Variants in GLIS3 observed in about 807,000 individuals in gnomAD.
GLIS3 encodes GLIS family zinc finger 3, also known as zinc finger protein GLIS3.
In GLIS3, 53 loss-of-function variants were observed where a neutral mutation model predicts 78.6. The observed-to-expected ratio is 0.67, with a 90% CI of 0.54 to 0.85. The LOEUF is 0.85. Among genes scored for constraint, GLIS3 ranks in the 40% least tolerant of loss-of-function variants. GLIS3 has a pLI of 0.00. For synonymous variants in GLIS3, 684 were observed against 509.9 expected (o/e 1.34, Z -4.60); for missense variants, 1,703 against 1,231.1 (o/e 1.38, Z -5.74).
chr9:4,178,471 T>A (rs948765580), intron 2 of GLIS3, among the ~76,000 whole-genome samples: 3 of 152,120 alleles, frequency 2.0e-5, no homozygotes, highest in Middle Eastern at 3.2e-3. Flanking sequence ...ACTAGAAAAA[T>A]CTGCAGCTAG....
chr9:3,917,314 A>G (rs1409759971), intron 6 of GLIS3, among the ~76,000 whole-genome samples: 1 of 152,218 alleles, frequency 6.6e-6, no homozygotes, highest in Non-Finnish European at 1.5e-5. Flanking sequence ...TCAGAGCTGA[A>G]GATGTTTGCA....
At chr9:3,859,878 C>G (rs370009528) in intron 8 of GLIS3, among the ~76,000 whole-genome samples, 1 of 152,178 alleles carries the variant, frequency 6.6e-6, no homozygotes, top group African/African-American at 2.4e-5. Flanking sequence ...GAGTCAAACA[C>G]TTCCACTCAT....
At chr9:4,121,620 GACACACACACACACACACAC>G (rs767610111) in intron 3 of GLIS3, among the ~76,000 whole-genome samples, 2 of 142,216 alleles carry the variant, frequency 1.4e-5, no homozygotes, top group African/African-American at 2.6e-5. Context: ...TTCTCCCAGT[GACACACACACACACACACAC>G]ACACACACAC....
chr9:3,956,237 G>T (rs909890306), intron 4 of GLIS3, among the ~76,000 whole-genome samples: 1 of 151,914 alleles, frequency 6.6e-6, no homozygotes, highest in African/African-American at 2.4e-5. Context: ...CCAAGACACA[G>T]CAATGCTCTC....
intron 2 of GLIS3, among the ~76,000 whole-genome samples, chr9:4,346,384 C>T (rs1817897109): frequency 1.9e-5 from 1 of 51,372 alleles, no homozygotes; most frequent in Admixed American, 2.8e-4. Context: ...GGTGTTCTAG[C>T]CAGTGACTGC....
At chr9:3,880,962 T>C (rs1821689099) in intron 7 of GLIS3, among the ~76,000 whole-genome samples, 1 of 152,190 alleles carries the variant, frequency 6.6e-6, no homozygotes, top group Non-Finnish European at 1.5e-5. Context: ...GGCCTGAAAA[T>C]GCTTACCAGT....
chr9:3,838,086 A>C (rs1217664419), intron 9 of GLIS3, among the ~76,000 whole-genome samples: 2 of 152,098 alleles, frequency 1.3e-5, no homozygotes, highest in African/African-American at 4.8e-5. Flanking sequence ...AGTCTATTAA[A>C]TGGGTGGGCA....
intron 4 of GLIS3, among the ~76,000 whole-genome samples, chr9:3,997,068 C>T (rs2129864849): frequency 1.3e-5 from 2 of 152,286 alleles, no homozygotes; most frequent in East Asian, 3.9e-4. Flanking sequence ...TGAGTTGCGG[C>T]CGGGCGCGGT....
chr9:3,985,413 G>C (rs753848065), intron 4 of GLIS3, among the ~76,000 whole-genome samples: 13 of 152,332 alleles, frequency 8.5e-5, no homozygotes, highest in Non-Finnish European at 1.5e-4. Flanking sequence ...CTCCCAAGGT[G>C]CTGGGATTAC....
chr9:4,465,177 G>C, the GLIS3 span, among the ~76,000 whole-genome samples: 1 of 152,200 alleles, frequency 6.6e-6, no homozygotes, highest in African/African-American at 2.4e-5. Context: ...ACATTTTTCA[G>C]TTCATGACCA....
chr9:4,479,372 G>A, the GLIS3 span, among the ~76,000 whole-genome samples: 2 of 152,072 alleles, frequency 1.3e-5, no homozygotes, highest in African/African-American at 4.8e-5. Flanking sequence ...ATTCCCTGTG[G>A]GCCTTTGTGG....
chr9:4,365,079 T>C, the GLIS3 span, among the ~76,000 whole-genome samples: 21 of 152,206 alleles, frequency 1.4e-4, no homozygotes, highest in Non-Finnish European at 2.1e-4. Flanking sequence ...AGAAATTTCT[T>C]TGTTCAGAGG....
chr9:4,400,025 C>T, the GLIS3 span, among the ~76,000 whole-genome samples: 2 of 152,092 alleles, frequency 1.3e-5, no homozygotes, highest in Non-Finnish European at 1.5e-5. Flanking sequence ...TGAGACAAGG[C>T]CACAGGGCAA....
At chr9:3,925,995 T>C (rs116182145) in intron 6 of GLIS3, among the ~76,000 whole-genome samples, 120 of 152,320 alleles carry the variant, frequency 7.9e-4, no homozygotes, top group African/African-American at 2.7e-3. Flanking sequence ...TCACAAATGC[T>C]AACCATCTGG....
chr9:4,361,311 T>C, the GLIS3 span, among the ~76,000 whole-genome samples: 2 of 152,198 alleles, frequency 1.3e-5, no homozygotes, highest in Non-Finnish European at 2.9e-5. Context: ...GACACCTCAG[T>C]TCCAAAGGTC....
Position 4,286,452 on chromosome 9 carries a change from C to A in GLIS3, c.-27G>T. On this transcript the variant is annotated 5_prime_UTR_variant, in exon 2 of 11. Transcript: ENST00000381971. ...CTGAAAAACCTGTGGCCAAGACGGTCAAATATCCAATGTCACTAATGACTC... is the reference window on the plus strand; with the variant it reads ...CTGAAAAACCTGTGGCCAAGACGGTAAAATATCCAATGTCACTAATGACTC... 1 of 1,612,454 alleles carries A rather than the reference C, an allele frequency of 6.2e-7. No homozygotes were observed. Among genetic ancestry groups the A allele is most frequent in the South Asian group, 1.1e-5 (1 of 90,916 alleles).
At chr9:4,209,568 C>T (rs551813382) in intron 2 of GLIS3, among the ~76,000 whole-genome samples, 12 of 152,272 alleles carry the variant, frequency 7.9e-5, no homozygotes, top group African/African-American at 2.6e-4. Context: ...TCCTCTTGGA[C>T]TCTTAAAAAT....
At chr9:4,247,378 T>C (rs929075174) in intron 2 of GLIS3, among the ~76,000 whole-genome samples, 1 of 152,136 alleles carries the variant, frequency 6.6e-6, no homozygotes, top group African/African-American at 2.4e-5. Flanking sequence ...AATTTCTTAT[T>C]TACATGGTTA....
chr9:4,442,579 G>A, the GLIS3 span, among the ~76,000 whole-genome samples: 1 of 151,208 alleles, frequency 6.6e-6, no homozygotes. Flanking sequence ...CATTTTTGTT[G>A]CTTTTGTTTT....
Sources: allele counts gnomAD v4.1 joint callset (sites outside exome capture counted in the v4.1 genomes callset), GRCh38; gene constraint gnomAD v4.1.1; transcripts MANE v1.5; gene names NCBI Gene and HGNC (gene_info 2026-07-23, HGNC 2026-07-21).